The following SORCS3 variants were observed in gnomAD, a reference collection of about 807,000 sequenced individuals.
SORCS3 encodes VPS10 domain-containing receptor SorCS3.
A neutral mutation model predicts 146.3 loss-of-function variants in SORCS3; 57 were observed. The observed-to-expected ratio is 0.39, with a 90% CI of 0.31 to 0.49. SORCS3 has a LOEUF of 0.49. SORCS3 is among the 20% of genes least tolerant of loss of function. The probability of loss-of-function intolerance (pLI) is 0.92; values close to 1 mark genes in which losing one functional copy is unlikely to be tolerated. For synonymous variants in SORCS3, 653 were observed against 618.5 expected (o/e 1.06, Z -0.83); for missense variants, 1,341 against 1,575.5 (o/e 0.85, Z 2.52).
At chr10:104,920,458 A>T (rs1459960682) in intron 3 of SORCS3, among the ~76,000 whole-genome samples, 1 of 152,234 alleles carries the variant, frequency 6.6e-6, no homozygotes, top group Non-Finnish European at 1.5e-5. Context: ...CATCCCAGGT[A>T]GCACTAACTG....
At chr10:105,254,730 G>A (rs534077739) in intron 23 of SORCS3, among the ~76,000 whole-genome samples, 2 of 152,044 alleles carry the variant, frequency 1.3e-5, no homozygotes, top group South Asian at 2.1e-4. Context: ...ACCCAGGAGG[G>A]AGAGGTTGCA....
intron 4 of SORCS3, among the ~76,000 whole-genome samples, chr10:105,001,750 GTGGAACA>G (rs1244337470): frequency 2.6e-5 from 4 of 150,984 alleles, no homozygotes; most frequent in Non-Finnish European, 6.0e-5. Context: ...GAAAGCAGAG[GTGGAACA>G]TTCTTTCATG....
At chr10:105,018,223 G>T (rs1389440091) in intron 4 of SORCS3, among the ~76,000 whole-genome samples, 1 of 152,222 alleles carries the variant, frequency 6.6e-6, no homozygotes, top group Non-Finnish European at 1.5e-5. Flanking sequence ...GTTCCCCTCA[G>T]AGGGGCAGGA....
chr10:105,058,529 T>C (rs2055461410), intron 5 of SORCS3, among the ~76,000 whole-genome samples: 1 of 152,254 alleles, frequency 6.6e-6, no homozygotes, highest in African/African-American at 2.4e-5. Flanking sequence ...CATCCATTTT[T>C]TTAAATGAGA....
At chr10:104,643,010 G>A (rs371247545) in intron 1 of SORCS3, among the ~76,000 whole-genome samples, 3 of 152,232 alleles carry the variant, frequency 2.0e-5, no homozygotes, top group Non-Finnish European at 4.4e-5. Context: ...AAGAAAAGGC[G>A]GGGGACAGGT....
intron 1 of SORCS3, among the ~76,000 whole-genome samples, chr10:104,672,166 G>A (rs2015863431): frequency 6.6e-6 from 1 of 152,076 alleles, no homozygotes; most frequent in African/African-American, 2.4e-5. Flanking sequence ...GGTCTATTCT[G>A]ATTATCTACT....
At chr10:105,079,955 C>T (rs1589622396) in intron 5 of SORCS3, among the ~76,000 whole-genome samples, 1 of 152,144 alleles carries the variant, frequency 6.6e-6, no homozygotes, top group African/African-American at 2.4e-5. Context: ...TATCCAGTCT[C>T]CCATTGATGG....
At chr10:104,968,037 A>G (rs935292601) in intron 3 of SORCS3, among the ~76,000 whole-genome samples, 1 of 152,130 alleles carries the variant, frequency 6.6e-6, no homozygotes, top group Admixed American at 6.5e-5. Context: ...AGCCCCTTTA[A>G]TCATTATCTC....
In SORCS3 at chr10:104,723,877, G is replaced by A. The variant is rs907305243; in HGVS notation, c.627+81923G>A. Among the ~76,000 whole-genome samples, 324 of 152,114 alleles carry A rather than the reference G, an allele frequency of 2.1e-3. 1 individual carries two copies. The highest frequency in any genetic ancestry group is 7.4e-3 in the African/African-American group (307 of 41,474). ...TTTGAGCCTATGTGTGTCTCTGCACGTGAGATGGGTTTCCTGAATACAGCA... is the reference window on the plus strand; with the variant it reads ...TTTGAGCCTATGTGTGTCTCTGCACATGAGATGGGTTTCCTGAATACAGCA... On this transcript the variant is annotated intron_variant, in intron 1 of 26. Transcript: ENST00000369701.
chr10:104,974,666 C>T (rs904036268), intron 3 of SORCS3, among the ~76,000 whole-genome samples: 4 of 152,140 alleles, frequency 2.6e-5, no homozygotes, highest in Non-Finnish European at 5.9e-5. Flanking sequence ...CAGTCTGTGT[C>T]TTTTAATTGG....
At chr10:104,994,044 A>G (rs2133665572) in intron 4 of SORCS3, among the ~76,000 whole-genome samples, 1 of 152,318 alleles carries the variant, frequency 6.6e-6, no homozygotes, top group South Asian at 2.1e-4. Flanking sequence ...CTTCCAGCAC[A>G]TGTCTTTGAG....
intron 13 of SORCS3, among the ~76,000 whole-genome samples, chr10:105,176,852 T>TCAAA (rs140792886): frequency 0.1 from 15,565 of 151,360 alleles, 1,058 homozygotes; most frequent in Admixed American, 0.18. Flanking sequence ...AGACTCCGTC[T>TCAAA]CAAACAAACA....
At chr10:105,093,015 C>T (rs960163237) in intron 6 of SORCS3, among the ~76,000 whole-genome samples, 1 of 152,066 alleles carries the variant, frequency 6.6e-6, no homozygotes, top group Non-Finnish European at 1.5e-5. Context: ...ATATAGACTG[C>T]AAAGAAGAAA....
chr10:105,073,388 G>T (rs971499659), intron 5 of SORCS3, among the ~76,000 whole-genome samples: 1 of 152,298 alleles, frequency 6.6e-6, no homozygotes, highest in East Asian at 1.9e-4. Flanking sequence ...AGAGAATGAC[G>T]CTGGACACAG....
intron 1 of SORCS3, among the ~76,000 whole-genome samples, chr10:104,767,011 T>C (rs1051963954): frequency 6.6e-6 from 1 of 152,188 alleles, no homozygotes; most frequent in African/African-American, 2.4e-5. Flanking sequence ...ATCTTTTAGG[T>C]TTCTAATGTT....
At chr10:105,136,700 A>C (rs1301606088) in intron 7 of SORCS3, among the ~76,000 whole-genome samples, 2 of 152,156 alleles carry the variant, frequency 1.3e-5, no homozygotes, top group Non-Finnish European at 2.9e-5. Context: ...GGTTTAATGC[A>C]TCAGTTGGAT....
At chr10:104,885,396 T>G (rs565847604) in intron 2 of SORCS3, among the ~76,000 whole-genome samples, 1 of 152,170 alleles carries the variant, frequency 6.6e-6, no homozygotes, top group African/African-American at 2.4e-5. Flanking sequence ...AGACACACTT[T>G]TAAAATGTTC....
chr10:104,687,062 C>G (rs979669757), intron 1 of SORCS3, among the ~76,000 whole-genome samples: 1 of 152,144 alleles, frequency 6.6e-6, no homozygotes, highest in South Asian at 2.1e-4. Context: ...TCCATGTATG[C>G]ATCCATCCAG....
intron 2 of SORCS3, among the ~76,000 whole-genome samples, chr10:104,847,380 TAAAC>T (rs2018217801): frequency 6.6e-6 from 1 of 152,208 alleles, no homozygotes; most frequent in Non-Finnish European, 1.5e-5. Context: ...CTTGGACTGA[TAAAC>T]AAAAACTTTA....
Sources: gnomAD v4.1 joint callset for allele counts (sites outside exome capture counted in the v4.1 genomes callset) on GRCh38, gnomAD v4.1.1 for gene constraint, MANE v1.5 for transcripts, NCBI Gene and HGNC (gene_info 2026-07-23, HGNC 2026-07-21) for gene names.